The following USP53 variants were observed in gnomAD, a reference collection of about 807,000 sequenced individuals.
The protein encoded by USP53 is ubiquitin carboxyl-terminal hydrolase 53.
A neutral mutation model predicts 94.9 loss-of-function variants in USP53; 71 were observed. The ratio of observed to expected loss-of-function variants is 0.75; its 90% CI spans 0.62 to 0.91. USP53 has a LOEUF of 0.91. Among genes scored for constraint, USP53 ranks in the 40% least tolerant of loss-of-function variants. The pLI is 0.00. For missense variants in USP53, 1,173 were observed against 1,281.0 expected (o/e 0.92, Z 1.29); for synonymous variants, 375 against 422.7 (o/e 0.89, Z 1.39).
intron 7 of USP53, among the ~76,000 whole-genome samples, chr4:119,253,403 G>T (rs556774177): frequency 2.0e-5 from 3 of 152,274 alleles, no homozygotes; most frequent in Admixed American, 2.0e-4. Flanking sequence ...GGGTGCTCCT[G>T]TATTGGGTGC....
At chr4:119,212,661 C>G, upstream of USP53, 1 of 353,190 alleles carries the variant, frequency 2.8e-6, no homozygotes, top group South Asian at 2.1e-5. Context: ...TATGCGCATG[C>G]TCCGCTCACA....
chr4:119,269,535 T>C (rs1484945995), intron 14 of USP53, among the ~76,000 whole-genome samples, 156 bp from the exon 15 acceptor site: 1 of 152,194 alleles, frequency 6.6e-6, no homozygotes, highest in Non-Finnish European at 1.5e-5. Flanking sequence ...AAATCACATC[T>C]AGTTTTTAAT....
intron 17 of USP53, 22 bp from the exon 18 acceptor site, chr4:119,291,143 T>TGCCC: frequency 5.4e-6 from 4 of 747,564 alleles, no homozygotes; most frequent in Admixed American, 2.7e-5. Context: ...TCATCTCTTC[T>TGCCC]CCCCACCCCA....
At chr4:119,227,281 A>ACACACACACACACACACACACACACACC in intron 3 of USP53, among the ~76,000 whole-genome samples, 1 of 151,420 alleles carries the variant, frequency 6.6e-6, no homozygotes, top group African/African-American at 2.4e-5. Flanking sequence ...ACACACACAC[A>ACACACACACACACACACACACACACACC]CACACACACA....
Position 119,289,042 on chromosome 4 carries a change from T to A in USP53, c.2252-2123T>A, listed in dbSNP as rs368235282. On this transcript the variant is annotated intron_variant, in intron 17 of 18. Transcript: ENST00000692078. Reference sequence around the variant, plus strand: ...TTTCTAAAAACTATTTTTGTTACTATCACCATAGATACTAGCAGAAAGTCT... The same window carrying A: ...TTTCTAAAAACTATTTTTGTTACTAACACCATAGATACTAGCAGAAAGTCT... Among the ~76,000 whole-genome samples, 4 of 152,036 alleles carry A rather than the reference T, an allele frequency of 2.6e-5. No homozygotes were observed. In the South Asian group the frequency reaches 6.2e-4, roughly 24 times the overall value.
At chr4:119,227,506 T>C (rs908742759) in intron 3 of USP53, among the ~76,000 whole-genome samples, 2 of 152,028 alleles carry the variant, frequency 1.3e-5, no homozygotes, top group Non-Finnish European at 2.9e-5. Context: ...GGCGGGCGCC[T>C]GTAGTCCCAG....
chr4:119,225,340 T>C (rs886493157), intron 3 of USP53, among the ~76,000 whole-genome samples: 9 of 152,224 alleles, frequency 5.9e-5, no homozygotes, highest in Admixed American at 6.5e-5. Context: ...CAGATAGTGC[T>C]ACTGATGAAT....
chr4:119,291,343 G>C, intron 18 of USP53, 82 bp downstream of exon 18: 1 of 827,464 alleles, frequency 1.2e-6, no homozygotes, highest in Non-Finnish European at 1.9e-6. Context: ...TTATTACTTT[G>C]AAAGCAATGG....
At chr4:119,247,872 A>C (rs1206232245) in intron 6 of USP53, among the ~76,000 whole-genome samples, 1 of 152,170 alleles carries the variant, frequency 6.6e-6, no homozygotes, top group African/African-American at 2.4e-5. Flanking sequence ...ATCTAATATC[A>C]GATGACATCT....
intron 9 of USP53, among the ~76,000 whole-genome samples, chr4:119,258,190 C>A (rs947953891): frequency 1.3e-5 from 2 of 152,054 alleles, no homozygotes; most frequent in Non-Finnish European, 2.9e-5. Flanking sequence ...AAGATTGAAA[C>A]CCAGATCGGT....
In USP53 at chr4:119,270,074, T is replaced by C. The variant is rs1361203022; in HGVS notation, c.1435+237T>C. Among the ~76,000 whole-genome samples the C allele has an allele frequency of 2.0e-5, 3 of 148,272 alleles. No homozygotes were observed. In the East Asian group the frequency reaches 5.8e-4, roughly 29 times the overall value. On this transcript the variant is annotated intron_variant, in intron 15 of 18. Transcript: ENST00000692078. ...AATTTATATAGTTTATATATAGAAA[T>C]TAAATTATATTAAAGTTATTTTTAA...
intron 12 of USP53, among the ~76,000 whole-genome samples, chr4:119,265,314 T>C (rs1452974853): frequency 6.6e-6 from 1 of 152,236 alleles, no homozygotes; most frequent in Non-Finnish European, 1.5e-5. Flanking sequence ...AGTACTTTGA[T>C]GTAGGAGTTT....
At chr4:119,241,473 A>G (rs77256070) in intron 5 of USP53, among the ~76,000 whole-genome samples, 7,044 of 152,096 alleles carry the variant, frequency 0.046, 225 homozygotes, top group Middle Eastern at 0.085. Flanking sequence ...TTTATTTTTG[A>G]AAGATATTTT....
At chr4:119,274,647 T>C (rs1169188660) in intron 17 of USP53, among the ~76,000 whole-genome samples, 3 of 147,808 alleles carry the variant, frequency 2.0e-5, no homozygotes, top group African/African-American at 7.4e-5. Flanking sequence ...GTATTTCTAG[T>C]TCTAGATCCC....
At chr4:119,288,781 A>G (rs1163328702) in intron 17 of USP53, among the ~76,000 whole-genome samples, 2 of 152,014 alleles carry the variant, frequency 1.3e-5, no homozygotes, top group African/African-American at 2.4e-5. Context: ...TACTAAAAAT[A>G]TAAAAAATTA....
intron 3 of USP53, among the ~76,000 whole-genome samples, chr4:119,234,834 T>A (rs889971970): frequency 6.6e-6 from 1 of 152,216 alleles, no homozygotes; most frequent in African/African-American, 2.4e-5. Flanking sequence ...AATCCATGGA[T>A]ACTTAGATCA....
At chr4:119,287,656 T>A (rs1440310390) in intron 17 of USP53, among the ~76,000 whole-genome samples, 1 of 152,212 alleles carries the variant, frequency 6.6e-6, no homozygotes, top group Non-Finnish European at 1.5e-5. Flanking sequence ...TACGGGAGAA[T>A]GCAGAAAAAC....
At chr4:119,253,993 A>G (rs1265170949) in intron 7 of USP53, among the ~76,000 whole-genome samples, 3 of 152,160 alleles carry the variant, frequency 2.0e-5, no homozygotes. Flanking sequence ...GTTTGGCTGG[A>G]TATAAAATTC....
chr4:119,220,132 G>A (rs898928337), intron 3 of USP53: 1 of 152,136 alleles, frequency 6.6e-6, no homozygotes, highest in African/African-American at 2.4e-5. Context: ...GTGGATATAT[G>A]TTTATAACTG....
Sources: gnomAD v4.1 joint callset for allele counts (sites outside exome capture counted in the v4.1 genomes callset) on GRCh38, gnomAD v4.1.1 for gene constraint, MANE v1.5 for transcripts, NCBI Gene and HGNC (gene_info 2026-07-23, HGNC 2026-07-21) for gene names.